ATP8B4: variants seen among roughly 807,000 people sequenced by gnomAD.
ATP8B4 encodes the protein probable phospholipid-transporting ATPase IM.
A neutral mutation model predicts 145.6 loss-of-function variants in ATP8B4; 133 were observed. The ratio of observed to expected loss-of-function variants is 0.91; its 90% confidence interval spans 0.79 to 1.05. The LOEUF (loss-of-function observed/expected upper bound fraction) is 1.05. ATP8B4 is among the 50% of genes least tolerant of loss of function. The pLI is 0.00. For missense variants in ATP8B4, 1,458 were observed against 1,425.2 expected (o/e 1.02, Z -0.37); for synonymous variants, 507 against 492.9 (o/e 1.03, Z -0.38).
intron 23 of ATP8B4, among the ~76,000 whole-genome samples, chr15:49,893,663 T>C (rs2037071720): frequency 6.6e-6 from 1 of 152,138 alleles, no homozygotes; most frequent in Non-Finnish European, 1.5e-5. Flanking sequence ...TGCAGAGTTG[T>C]TATTGAGTGG....
At chr15:50,035,218 G>A (rs1414164141) in intron 6 of ATP8B4, among the ~76,000 whole-genome samples, 1 of 152,172 alleles carries the variant, frequency 6.6e-6, no homozygotes, top group African/African-American at 2.4e-5. Context: ...TAATTATATT[G>A]TGGCTGAGGT....
chr15:49,943,922 G>A (rs1896488568), intron 14 of ATP8B4, among the ~76,000 whole-genome samples: 1 of 152,116 alleles, frequency 6.6e-6, no homozygotes, highest in African/African-American at 2.4e-5. Flanking sequence ...ATAGCTTAAA[G>A]GTACATAAAA....
At chr15:49,951,275 G>A (rs191264357) in intron 14 of ATP8B4, among the ~76,000 whole-genome samples, 1 of 152,098 alleles carries the variant, frequency 6.6e-6, no homozygotes, top group African/African-American at 2.4e-5. Context: ...TCTCATTGAT[G>A]TGTCTAATAC....
chr15:49,923,774 C>G (rs1388378597), intron 16 of ATP8B4, among the ~76,000 whole-genome samples: 1 of 152,162 alleles, frequency 6.6e-6, no homozygotes, highest in Non-Finnish European at 1.5e-5. Flanking sequence ...TCCTTGCTTA[C>G]TATTTCTGAA....
At chr15:50,087,133 A>C (rs1404730518) in intron 2 of ATP8B4, among the ~76,000 whole-genome samples, 2 of 126,344 alleles carry the variant, frequency 1.6e-5, no homozygotes, top group East Asian at 2.3e-4. Context: ...TAATATATAG[A>C]TCTATATTTA....
At chr15:50,137,088 A>T (rs1169637655) in intron 1 of ATP8B4, among the ~76,000 whole-genome samples, 4 of 152,184 alleles carry the variant, frequency 2.6e-5, no homozygotes, top group Non-Finnish European at 5.9e-5. Context: ...TGCATCAAGC[A>T]CTGTGCAAGA....
intron 3 of ATP8B4, among the ~76,000 whole-genome samples, chr15:50,060,430 A>C (rs2052928630): frequency 6.6e-6 from 1 of 152,322 alleles, no homozygotes; most frequent in South Asian, 2.1e-4. Flanking sequence ...TTTAGAAAAA[A>C]GTGAGGGCTT....
intron 12 of ATP8B4, among the ~76,000 whole-genome samples, chr15:49,974,598 T>C (rs1599553585): frequency 6.6e-6 from 1 of 152,086 alleles, no homozygotes; most frequent in Admixed American, 6.6e-5. Context: ...TTATCAAAAG[T>C]TTATACTTTC....
At chr15:49,986,252 C>G (rs376423309) in intron 10 of ATP8B4, among the ~76,000 whole-genome samples, 1 of 152,176 alleles carries the variant, frequency 6.6e-6, no homozygotes, top group South Asian at 2.1e-4. Flanking sequence ...TAGGATGAAG[C>G]ACCTCCATCT....
chr15:50,045,921 TG>T (rs1042091462), intron 4 of ATP8B4, among the ~76,000 whole-genome samples: 8 of 152,000 alleles, frequency 5.3e-5, no homozygotes, highest in African/African-American at 1.9e-4. Context: ...TGGGGAGAGG[TG>T]GGGGGAAGAA....
At chr15:50,040,796 C>T (rs566997879) in intron 5 of ATP8B4, among the ~76,000 whole-genome samples, 1 of 152,234 alleles carries the variant, frequency 6.6e-6, no homozygotes, top group South Asian at 2.1e-4. Context: ...CAGCCTGACT[C>T]TTATTGACAA....
intron 2 of ATP8B4, among the ~76,000 whole-genome samples, chr15:50,087,098 AAATATAGAT>A (rs1328330696): frequency 3.3e-5 from 3 of 91,302 alleles, no homozygotes; most frequent in African/African-American, 1.3e-4. Flanking sequence ...TATATATAAT[AAATATAGAT>A]TATATTTATT....
intron 1 of ATP8B4, among the ~76,000 whole-genome samples, chr15:50,170,382 C>T (rs1386390233): frequency 6.6e-6 from 1 of 152,150 alleles, no homozygotes; most frequent in African/African-American, 2.4e-5. Context: ...ACTCCTCAAA[C>T]AAAACAATTA....
At position 49,870,688 on chromosome 15, in the gene ATP8B4, A is replaced by G. The variant is rs563300372; in HGVS notation, c.3028-4204T>C. 9.0e-4 allele frequency among the ~76,000 whole-genome samples: 137 copies of G among 152,318 alleles called. 1 individual carries two copies. In the South Asian group the frequency reaches 0.028, roughly 32 times the overall value. On this transcript the variant is annotated intron_variant, in intron 25 of 27. Coordinates refer to ENST00000284509, the MANE Select transcript of ATP8B4 (RefSeq NM_024837.4). ...TATATATTAAAGACCACAGTTTTTG[A>G]TTGATTGAAGCCAAAATTGCCTAGC...
chr15:49,901,784 T>C (rs1434108947), intron 20 of ATP8B4: 1 of 413,886 alleles, frequency 2.4e-6, no homozygotes, highest in South Asian at 1.8e-5. Context: ...TGATGGTACT[T>C]ACTGAATTGG....
At chr15:49,872,536 T>C (rs1046553376) in intron 25 of ATP8B4, among the ~76,000 whole-genome samples, 3 of 152,186 alleles carry the variant, frequency 2.0e-5, no homozygotes, top group Non-Finnish European at 4.4e-5. Context: ...GTATAAATCA[T>C]GTTGCTATCA....
intron 10 of ATP8B4, among the ~76,000 whole-genome samples, chr15:49,986,354 A>G (rs1414420584): frequency 6.6e-6 from 1 of 152,226 alleles, no homozygotes; most frequent in East Asian, 1.9e-4. Context: ...AGGAATGTTC[A>G]TGGTCAAGCC....
chr15:49,945,096 AG>A lies in ATP8B4; in HGVS notation c.1288-10915del, dbSNP rs2042457837. ...GCAATAAATGCATATAATTAAAAGA[AG>A]AACGATCTCAGACAATTTAATTTTA... On this transcript the variant is annotated intron_variant, in intron 14 of 27. Coordinates refer to ENST00000284509, the MANE Select transcript of ATP8B4 (RefSeq NM_024837.4). Among the ~76,000 whole-genome samples, 3 of 152,302 alleles carry A rather than the reference AG, an allele frequency of 2.0e-5. No individual in the cohort carries two copies. The South Asian group carries it at 6.2e-4, about 32-fold the overall frequency.
Position 50,047,419 on chromosome 15 carries a change from G to C in ATP8B4, c.133C>G (p.Pro45Ala). 1 of 1,598,570 alleles carries C rather than the reference G, an allele frequency of 6.3e-7. No homozygotes were observed. The highest frequency in any genetic ancestry group is 8.6e-7 in the Non-Finnish European group (1 of 1,166,038). The change falls in exon 4 of 28, where the codon CCA (proline) becomes GCA (alanine). Residue 45 changes from proline to alanine, a missense_variant. Coordinates refer to ENST00000284509, the MANE Select transcript of ATP8B4 (RefSeq NM_024837.4). Reference protein sequence around the residue: ...TSKYNILTFLPINLFEQFQRV... With the variant: ...TSKYNILTFLAINLFEQFQRV... ...TGGAACTGTTCAAATAAATTAATTGGCAAGAAGGTGAGAATATTATATTTC... is the reference window on the plus strand; with the variant it reads ...TGGAACTGTTCAAATAAATTAATTGCCAAGAAGGTGAGAATATTATATTTC...
Sources: gnomAD v4.1 joint callset for allele counts (sites outside exome capture counted in the v4.1 genomes callset) on GRCh38, gnomAD v4.1.1 for gene constraint, MANE v1.5 for transcripts, NCBI Gene and HGNC (gene_info 2026-07-23, HGNC 2026-07-21) for gene names.